PTPRQ: variants seen among roughly 807,000 people sequenced by gnomAD.
PTPRQ encodes protein tyrosine phosphatase receptor type Q.
Under a neutral mutation model 246.0 loss-of-function variants are expected in PTPRQ, and 199 were observed. That is an observed-to-expected ratio of 0.81 (90% CI 0.72 to 0.91). PTPRQ has a LOEUF of 0.91. PTPRQ is among the 40% of genes least tolerant of loss of function. The probability of loss-of-function intolerance (pLI) is 0.00; values close to 1 mark genes in which losing one functional copy is unlikely to be tolerated. For missense variants in PTPRQ, 2,624 were observed against 2,528.4 expected, an observed-to-expected ratio of 1.04 and a Z score of -0.81; for synonymous variants, 869 against 853.2, an observed-to-expected ratio of 1.02 and a Z score of -0.32.
intron 17 of PTPRQ, among the ~76,000 whole-genome samples, chr12:80,526,994 A>T (rs1381726771): frequency 1.3e-5 from 2 of 152,142 alleles, no homozygotes; most frequent in Non-Finnish European, 2.9e-5. Flanking sequence ...AGCCTCTACT[A>T]AAAGACATTC....
At chr12:80,564,144 A>T (rs528232376) in intron 25 of PTPRQ, among the ~76,000 whole-genome samples, 1 of 152,208 alleles carries the variant, frequency 6.6e-6, no homozygotes, top group Non-Finnish European at 1.5e-5. Context: ...CACATTGTGC[A>T]GGTTAGTTAC....
chr12:80,480,062 G>A (rs1893980368), intron 8 of PTPRQ, among the ~76,000 whole-genome samples: 1 of 150,958 alleles, frequency 6.6e-6, no homozygotes, highest in African/African-American at 2.5e-5. Flanking sequence ...CAAATCAAGA[G>A]AATATACATT....
chr12:80,616,728 TGACAGTA>T (rs1898777652), intron 30 of PTPRQ, among the ~76,000 whole-genome samples: 1 of 151,232 alleles, frequency 6.6e-6, no homozygotes, highest in Admixed American at 6.6e-5. Context: ...TTTATGATTC[TGACAGTA>T]AAGTAAATCT....
chr12:80,674,789 GTTTTAAGTACATA>G, intron 43 of PTPRQ, among the ~76,000 whole-genome samples: 1 of 152,176 alleles, frequency 6.6e-6, no homozygotes, highest in South Asian at 2.1e-4. Flanking sequence ...TTTGATAGTG[GTTTTAAGTACATA>G]TTTTACATTT....
chr12:80,468,679 G>T, intron 6 of PTPRQ, 31 bp from the exon 7 acceptor site: 3 of 1,501,700 alleles, frequency 2.0e-6, no homozygotes, highest in Non-Finnish European at 2.7e-6. Flanking sequence ...TTAAATATAT[G>T]TTATGTATTT....
At chr12:80,662,562 T>C (rs1900665913) in intron 39 of PTPRQ, among the ~76,000 whole-genome samples, 1 of 152,024 alleles carries the variant, frequency 6.6e-6, no homozygotes, top group Admixed American at 6.6e-5. Context: ...ACTTTATTCA[T>C]TGCTGCTAAA....
At chr12:80,450,820 G>T (rs1026038572) in intron 3 of PTPRQ, among the ~76,000 whole-genome samples, 1 of 152,186 alleles carries the variant, frequency 6.6e-6, no homozygotes, top group African/African-American at 2.4e-5. Flanking sequence ...GTTCATCAAG[G>T]ATATTGGTCT....
chr12:80,472,059 C>T (rs1457145624), intron 7 of PTPRQ, 46 bp from the exon 8 acceptor site: 1 of 1,548,302 alleles, frequency 6.5e-7, no homozygotes, highest in Non-Finnish European at 8.7e-7. Flanking sequence ...AACATGATTG[C>T]ACGCTTGATA....
At chr12:80,498,667 T>A (rs548530816) in intron 14 of PTPRQ, among the ~76,000 whole-genome samples, 1 of 152,254 alleles carries the variant, frequency 6.6e-6, no homozygotes, top group South Asian at 2.1e-4. Context: ...ATCTCTCTGT[T>A]CATTGTTACA....
At chr12:80,623,868 G>A (rs1899093459) in intron 33 of PTPRQ, among the ~76,000 whole-genome samples, 1 of 152,096 alleles carries the variant, frequency 6.6e-6, no homozygotes, top group African/African-American at 2.4e-5. Context: ...CAAGCATCAG[G>A]AACCACAGTG....
intron 14 of PTPRQ, among the ~76,000 whole-genome samples, chr12:80,503,807 GA>G (rs1894873234): frequency 6.6e-6 from 1 of 151,660 alleles, no homozygotes; most frequent in African/African-American, 2.4e-5. Context: ...AGGATGTGTT[GA>G]AAGCATTATC....
intron 39 of PTPRQ, among the ~76,000 whole-genome samples, chr12:80,664,163 T>C (rs60113384): frequency 0.21 from 31,278 of 151,864 alleles, 5,238 homozygotes; most frequent in African/African-American, 0.46. Context: ...TTTAAACTCA[T>C]GGCCACTAAC....
intron 25 of PTPRQ, among the ~76,000 whole-genome samples, chr12:80,573,995 G>T (rs1445260848): frequency 2.6e-5 from 4 of 152,084 alleles, no homozygotes; most frequent in African/African-American, 9.7e-5. Flanking sequence ...AGAAGGAAAT[G>T]ATAAAATATT....
chr12:80,640,012 G>A (rs945335446), intron 35 of PTPRQ, among the ~76,000 whole-genome samples: 2 of 149,086 alleles, frequency 1.3e-5, no homozygotes, highest in Non-Finnish European at 3.0e-5. Flanking sequence ...TTTCTCTGAG[G>A]TATGAAGATA....
chr12:80,591,062 A>G (rs970259562), intron 26 of PTPRQ, among the ~76,000 whole-genome samples: 1 of 147,296 alleles, frequency 6.8e-6, no homozygotes, highest in Non-Finnish European at 1.5e-5. Flanking sequence ...TTTAATGAAC[A>G]TTTATAATTA....
intron 35 of PTPRQ, among the ~76,000 whole-genome samples, chr12:80,642,934 A>AAAAAC (rs1565836983): frequency 2.0e-5 from 3 of 149,242 alleles, no homozygotes; most frequent in African/African-American, 7.5e-5. Context: ...AAAAAAAAAA[A>AAAAAC]AAAAAAAAAA....
At chr12:80,478,007 T>C (rs573571817) in intron 8 of PTPRQ, among the ~76,000 whole-genome samples, 20 of 152,272 alleles carry the variant, frequency 1.3e-4, no homozygotes, top group Non-Finnish European at 2.6e-4. Flanking sequence ...GCCTGGAAGC[T>C]CCAACTGGGT....
At chr12:80,558,009 T>A (rs1896693778) in intron 25 of PTPRQ, among the ~76,000 whole-genome samples, 1 of 151,852 alleles carries the variant, frequency 6.6e-6, no homozygotes, top group Admixed American at 6.6e-5. Context: ...TCAACCAAGT[T>A]TTTTTGTGTA....
At chr12:80,511,009 G>C (rs1341280710) in intron 17 of PTPRQ, among the ~76,000 whole-genome samples, 1 of 152,036 alleles carries the variant, frequency 6.6e-6, no homozygotes. Flanking sequence ...ATGAGAACTT[G>C]GTAGATTGAA....
Sources: gnomAD v4.1 joint callset for allele counts (sites outside exome capture counted in the v4.1 genomes callset) on GRCh38, gnomAD v4.1.1 for gene constraint, MANE v1.5 for transcripts, NCBI Gene and HGNC (gene_info 2026-07-23, HGNC 2026-07-21) for gene names.